Variants in GREB1 observed in about 807,000 individuals in gnomAD.
GREB1 encodes protein GREB1.
In GREB1, 106 loss-of-function variants were observed where a neutral mutation model predicts 200.7. The observed-to-expected ratio is 0.53, with a 90% CI of 0.45 to 0.62. The LOEUF is 0.62. GREB1 is among the 20% of genes least tolerant of loss of function. GREB1 has a pLI of 0.00. For synonymous variants in GREB1, 1,132 were observed against 1,092.4 expected (o/e 1.04, Z -0.72); for missense variants, 2,243 against 2,556.8 (o/e 0.88, Z 2.65).
At chr2:11,581,445 AG>A (rs746159442) in intron 7 of GREB1, among the ~76,000 whole-genome samples, 1 of 152,158 alleles carries the variant, frequency 6.6e-6, no homozygotes, top group Admixed American at 6.5e-5. Flanking sequence ...GCAACTTAGA[AG>A]CTGGGGAAGC....
At chr2:11,489,126 C>T (rs1672723803) in intron 1 of GREB1, among the ~76,000 whole-genome samples, 1 of 152,112 alleles carries the variant, frequency 6.6e-6, no homozygotes, top group South Asian at 2.1e-4. Flanking sequence ...AAGCCTCATA[C>T]TGGTAGGAAC....
At chr2:11,483,498 G>T (rs1006947430) in intron 1 of GREB1, among the ~76,000 whole-genome samples, 1 of 151,788 alleles carries the variant, frequency 6.6e-6, no homozygotes, top group Non-Finnish European at 1.5e-5. Flanking sequence ...AGCCCAGAGT[G>T]GCAGCCACAT....
intron 7 of GREB1, 52 bp from the exon 8 acceptor site, chr2:11,585,109 A>G (rs1233476137): frequency 7.3e-6 from 7 of 960,424 alleles, no homozygotes; most frequent in Non-Finnish European, 1.0e-5. Flanking sequence ...GGTAAATTTT[A>G]TTGGAGCCCT....
chr2:11,567,894 C>T (rs1033901257), intron 4 of GREB1, among the ~76,000 whole-genome samples: 2 of 152,296 alleles, frequency 1.3e-5, no homozygotes, highest in South Asian at 4.1e-4. Context: ...TGGGCTTCTG[C>T]GTCCTCATCC....
intron 23 of GREB1, among the ~76,000 whole-genome samples, chr2:11,623,793 G>T (rs1684203504): frequency 1.3e-5 from 2 of 152,140 alleles, no homozygotes; most frequent in Non-Finnish European, 2.9e-5. Context: ...CCAGCCTGAG[G>T]CAGGAGAGTC....
chr2:11,525,533 T>G (rs996653957), intron 1 of GREB1, among the ~76,000 whole-genome samples: 2 of 151,452 alleles, frequency 1.3e-5, no homozygotes, highest in Non-Finnish European at 1.5e-5. Flanking sequence ...TCAGGTCATA[T>G]TCTCTTTCCT....
chr2:11,562,714 G>A, intron 3 of GREB1, 132 bp downstream of exon 3: 2 of 1,130,534 alleles, frequency 1.8e-6, no homozygotes, highest in Admixed American at 2.8e-5. Flanking sequence ...TTTCCCTGAG[G>A]TGTGAGCCAT....
intron 21 of GREB1, among the ~76,000 whole-genome samples, 189 bp from the exon 22 acceptor site, chr2:11,618,099 C>T (rs1305757989): frequency 8.0e-6 from 1 of 124,498 alleles, no homozygotes; most frequent in Non-Finnish European, 1.9e-5. Flanking sequence ...AGTTCTGGGA[C>T]AGCTCACTCC....
Position 11,598,853 on chromosome 2 carries a change from C to T in GREB1, c.2326C>T (p.Leu776Phe). The change falls in exon 15 of 33, where the codon CTT becomes TTT. Residue 776 changes from leucine (L) to phenylalanine (F), a missense_variant. By Grantham distance (22) the Leu-to-Phe change is conservative. Around this residue, in one of 3 missense-constraint regions of GREB1, gnomAD observed 1,178 missense variants for 1,387.4 expected, o/e 0.85. Transcript: ENST00000381486. ...VLIHDHAHWD[L>F]VSSTVHNLYS... ...AATCCATGACCATGCGCACTGGGAT[C>T]TTGTGAGGTTAGATTGACTTGATAT... 1 of 1,613,048 alleles carries T rather than the reference C, an allele frequency of 6.2e-7. No homozygotes were observed. The highest frequency in any genetic ancestry group is 8.5e-7 in the Non-Finnish European group (1 of 1,179,060).
chr2:11,512,307 T>C (rs1465479049), intron 1 of GREB1, among the ~76,000 whole-genome samples: 2 of 152,228 alleles, frequency 1.3e-5, no homozygotes, highest in Admixed American at 6.5e-5. Flanking sequence ...TAGTAAAACC[T>C]GAAGAGAGAA....
upstream of GREB1, among the ~76,000 whole-genome samples, chr2:11,531,278 C>T (rs1674064232): frequency 6.6e-6 from 1 of 152,152 alleles, no homozygotes; most frequent in Non-Finnish European, 1.5e-5. Context: ...TGGTTTAGTT[C>T]AGACCACTAA....
intron 1 of GREB1, among the ~76,000 whole-genome samples, chr2:11,508,976 G>A (rs1265335944): frequency 2.0e-5 from 3 of 149,600 alleles, no homozygotes; most frequent in East Asian, 4.0e-4. Flanking sequence ...CCGGGTTCAC[G>A]CCATTCTCCT....
chr2:11,632,241 C>A, intron 27 of GREB1, 128 bp downstream of exon 27: 2 of 661,914 alleles, frequency 3.0e-6, no homozygotes, highest in Non-Finnish European at 2.6e-6. Flanking sequence ...AAGCTATTTT[C>A]ATTTTGTCTG....
At chr2:11,500,128 T>A (rs574077372) in intron 1 of GREB1, among the ~76,000 whole-genome samples, 2 of 152,168 alleles carry the variant, frequency 1.3e-5, no homozygotes, top group Non-Finnish European at 2.9e-5. Context: ...ATTACAGGCA[T>A]GCACCACCAT....
chr2:11,566,200 G>A (rs115352677), intron 3 of GREB1, among the ~76,000 whole-genome samples: 10,355 of 152,110 alleles, frequency 0.068, 528 homozygotes, highest in Non-Finnish European at 0.11. Context: ...TGTATTTTTA[G>A]TAGATGGGGT....
In GREB1 at chr2:11,492,133, G is replaced by A. The variant is rs922012156; in HGVS notation, c.-159+9752G>A. On this transcript the variant is annotated intron_variant, in intron 1 of 2. Transcript: ENST00000628795. This position sits in a 1 kb window ranked among gnomAD's most constrained non-coding sequence, Gnocchi z 4.0. ...ACTCCCTGCCTGGCTACCATGCATC[G>A]TTTCCATGGTCATTTAACGTGGCAC... 8.5e-5 allele frequency among the ~76,000 whole-genome samples: 13 copies of A among 152,086 alleles called. No homozygotes were observed. The highest frequency in any genetic ancestry group is 1.3e-4 in the Admixed American group (2 of 15,260).
rs147581311 is a variant in GREB1 at position 11,634,788 on chromosome 2, T to C, written c.5210+439T>C. On this transcript the variant is annotated intron_variant, in intron 29 of 32. Coordinates refer to ENST00000381486, the MANE Select transcript of GREB1 (RefSeq NM_014668.4). ...CGTGAGCCTCTCAAAGAGGGTGGGC[T>C]TTGGAGCCAGACTGACTGCGCCTCC... Among the ~76,000 whole-genome samples, 856 of 152,302 alleles carry C rather than the reference T, an allele frequency of 5.6e-3. 3 individuals are homozygous for C. Among genetic ancestry groups the C allele is most frequent in the Non-Finnish European group, 8.7e-3 (590 of 68,012 alleles).
intron 15 of GREB1, among the ~76,000 whole-genome samples, chr2:11,599,611 C>A (rs1485726739): frequency 6.6e-6 from 1 of 151,516 alleles, no homozygotes; most frequent in African/African-American, 2.4e-5. Flanking sequence ...AACTCTGCCT[C>A]CCGGGTTCAC....
intron 1 of GREB1, chr2:11,540,182 A>C (rs1444534148): frequency 6.6e-6 from 1 of 152,280 alleles, no homozygotes; most frequent in Non-Finnish European, 1.5e-5. Context: ...TTACGAAGAC[A>C]GCTGTGGCCT....
Sources: gnomAD v4.1 joint callset for allele counts (sites outside exome capture counted in the v4.1 genomes callset) on GRCh38, gnomAD v4.1.1 for gene constraint, gnomAD v4.1.1 regional missense constraint, Gnocchi (gnomAD v3.1) non-coding constraint, MANE v1.5 for transcripts, NCBI Gene and HGNC (gene_info 2026-07-23, HGNC 2026-07-21) for gene names.